DNAH17: variants seen among roughly 807,000 people sequenced by gnomAD.
The protein encoded by DNAH17 is axonemal beta dynein heavy chain 17.
A neutral mutation model predicts 485.6 loss-of-function variants in DNAH17; 376 were observed. The ratio of observed to expected loss-of-function variants is 0.77; its 90% confidence interval spans 0.71 to 0.84. The LOEUF is 0.84. DNAH17 is among the 40% of genes least tolerant of loss of function. The pLI, the probability that DNAH17 is intolerant of heterozygous loss-of-function variation, is 0.00. For synonymous variants in DNAH17, 3,031 were observed against 2,405.9 expected (o/e 1.26, Z -7.60); for missense variants, 6,370 against 5,839.3 (o/e 1.09, Z -2.96).
chr17:78,573,542 T>C (rs1367967989), intron 2 of DNAH17, among the ~76,000 whole-genome samples: 1 of 147,736 alleles, frequency 6.8e-6, no homozygotes, highest in Non-Finnish European at 1.5e-5. Flanking sequence ...GAGGTTGCAG[T>C]GAGCTGAGAT....
intron 11 of DNAH17, among the ~76,000 whole-genome samples, chr17:78,565,924 TG>T (rs1191006227): frequency 1.3e-5 from 2 of 152,014 alleles, no homozygotes; most frequent in African/African-American, 4.8e-5. Flanking sequence ...CACTCCAGCC[TG>T]GGCAACAAGA....
chr17:78,555,611 G>T (rs975887820), intron 14 of DNAH17, among the ~76,000 whole-genome samples: 1 of 150,084 alleles, frequency 6.7e-6, no homozygotes, highest in African/African-American at 2.5e-5. Context: ...GATGACGGAA[G>T]CACAAGTTGG....
At chr17:78,505,559 A>G (rs2090459777) in intron 30 of DNAH17, 114 bp from the exon 31 acceptor site, 7 of 1,331,122 alleles carry the variant, frequency 5.3e-6, no homozygotes, top group South Asian at 1.3e-5. Context: ...TATACTCCCC[A>G]TCTTTGATCA....
chr17:78,569,127 G>A, intron 9 of DNAH17, 39 bp downstream of exon 9: 1 of 1,498,182 alleles, frequency 6.7e-7, no homozygotes, highest in Non-Finnish European at 9.1e-7. Context: ...GGAGCAGTCT[G>A]GGAAGTGGAG....
chr17:78,539,495 T>C (rs2091464821), intron 18 of DNAH17, among the ~76,000 whole-genome samples: 1 of 152,194 alleles, frequency 6.6e-6, no homozygotes, highest in Non-Finnish European at 1.5e-5. Flanking sequence ...CTTGAGGTTT[T>C]CTGCAGCCAA....
intron 75 of DNAH17, among the ~76,000 whole-genome samples, chr17:78,432,395 AGC>A (rs995410537): frequency 7.6e-3 from 1 of 132 alleles, no homozygotes; most frequent in African/African-American, 9.3e-3. Flanking sequence ...ACCGGCAGAC[AGC>A]AGAGGCTGCC....
intron 25 of DNAH17, among the ~76,000 whole-genome samples, chr17:78,524,604 G>A (rs1056747984): frequency 1.7e-5 from 2 of 118,794 alleles, no homozygotes; most frequent in African/African-American, 7.1e-5. Context: ...CCTCCAGAAC[G>A]GTGAGGAATA....
rs746286879 is a variant in DNAH17 at position 78,434,229 on chromosome 17, C to T, written c.12034-9G>A. 9 of 1,597,540 alleles carry T rather than the reference C, an allele frequency of 5.6e-6. No individual in the cohort carries two copies. The South Asian group carries it at 6.7e-5, about 12-fold the overall frequency. On this transcript the variant is annotated splice_polypyrimidine_tract_variant and intron_variant, in intron 74 of 80. Transcript: ENST00000389840. ...CACATCTCCAGGGTGTCCTGTGGGG[C>T]ACACGCTCCGGTCAGGTATTAGGGA...
intron 33 of DNAH17, chr17:78,502,279 G>C: frequency 3.0e-6 from 1 of 336,152 alleles, no homozygotes; most frequent in Non-Finnish European, 5.4e-6. Context: ...TTTTCAAGAT[G>C]ATCTTTTGTT....
At position 78,455,500 on chromosome 17, in the gene DNAH17, T is replaced by A. The variant is rs181133945; in HGVS notation, c.10170+144A>T. The stretch of plus-strand genomic sequence containing the variant: ...CCACCAAGCCTGGCTAATTTTTTTT[T>A]AAATTTAATAGAGATGGGGTTTCAC... On this transcript the variant is annotated intron_variant, in intron 63 of 80. Coordinates refer to ENST00000389840, the MANE Select transcript of DNAH17 (RefSeq NM_173628.4). 1.2e-3 allele frequency: 732 copies of A among 586,850 alleles called. 7 individuals carry two copies. The East Asian group carries it at 0.024, about 19-fold the overall frequency. 36.4% of individuals were successfully genotyped at this position (586,850 alleles called of 1,614,324 possible). A position where few individuals can be genotyped will look rare whatever the true frequency, so the allele number is the denominator to read the frequency against.
intron 43 of DNAH17, 23 bp from the exon 44 acceptor site, chr17:78,490,870 T>TG (rs1450079646): frequency 3.8e-6 from 6 of 1,576,694 alleles, no homozygotes; most frequent in Non-Finnish European, 5.2e-6. Flanking sequence ...CAGCAGCCCG[T>TG]GGGGTCCTAA....
At chr17:78,497,790 G>T (rs2066053309) in intron 37 of DNAH17, among the ~76,000 whole-genome samples, 1 of 152,196 alleles carries the variant, frequency 6.6e-6, no homozygotes, top group African/African-American at 2.4e-5. Flanking sequence ...TTAGAAGGTG[G>T]AGGCAGAGGG....
chr17:78,513,478 C>G (rs928915526), intron 26 of DNAH17, among the ~76,000 whole-genome samples: 10 of 152,212 alleles, frequency 6.6e-5, no homozygotes, highest in Non-Finnish European at 1.2e-4. Flanking sequence ...CTCTGTCACC[C>G]AGGCTAGAGT....
At chr17:78,493,223 G>C (rs1374251371) in intron 41 of DNAH17, 1 of 162,254 alleles carries the variant, frequency 6.2e-6, no homozygotes, top group African/African-American at 2.4e-5. Flanking sequence ...ACACAGGTGA[G>C]TTTACACCCC....
At chr17:78,468,967 G>A in intron 54 of DNAH17, 84 bp from the exon 55 acceptor site, 2 of 1,490,246 alleles carry the variant, frequency 1.3e-6, no homozygotes, top group South Asian at 1.3e-5. Context: ...CAGAGCACAG[G>A]GCCATTTTTT....
Position 78,428,666 on chromosome 17 carries a change from A to C in DNAH17, c.12447T>G (p.Ser4149Arg). The C allele has an allele frequency of 1.2e-6, 2 of 1,613,584 alleles. No individual in the cohort carries two copies. Among genetic ancestry groups the C allele is most frequent in the Non-Finnish European group, 1.7e-6 (2 of 1,179,786 alleles). The change falls in exon 77 of 81, where the codon AGT (serine) becomes AGG (arginine). Residue 4149 changes from serine to arginine, a missense_variant. Coordinates refer to ENST00000389840, the MANE Select transcript of DNAH17 (RefSeq NM_173628.4). ...EYIDENLPPE[S>R]PYLYGLHPNA... ...TGGGGTGCAGGCCATACAGATAGGG[A>C]CTCTCAGGGGGCAGGTTCTCATCGA...
At chr17:78,457,238 G>A (rs1351131257) in intron 62 of DNAH17, among the ~76,000 whole-genome samples, 1 of 152,190 alleles carries the variant, frequency 6.6e-6, no homozygotes, top group Non-Finnish European at 1.5e-5. Context: ...GGGTGTGGTG[G>A]CACGCATCTG....
In DNAH17 at chr17:78,532,504, G is replaced by A. The variant is rs2091267676; in HGVS notation, c.3092C>T (p.Thr1031Ile). 1.2e-6 allele frequency: 2 copies of A among 1,611,406 alleles called. No individual in the cohort carries two copies. Among genetic ancestry groups the A allele is most frequent in the Non-Finnish European group, 1.7e-6 (2 of 1,179,252 alleles). ...TDDTIPKTPPTLAQFQEQIDS... is the reference protein window; with the variant it reads ...TDDTIPKTPPILAQFQEQIDS... Reference sequence around the variant, plus strand: ...CACCTGCTCCTGGAACTGAGCCAGGGTGGGCGGTGTCTTGGGGATGGTGTC... The same window carrying A: ...CACCTGCTCCTGGAACTGAGCCAGGATGGGCGGTGTCTTGGGGATGGTGTC... Residue 1031 changes from threonine to isoleucine, a missense_variant, in exon 20 of 81, where the codon ACC becomes ATC. By Grantham distance (89) the Thr-to-Ile change is moderately conservative. Coordinates refer to ENST00000389840, the MANE Select transcript of DNAH17 (RefSeq NM_173628.4).
chr17:78,456,206 G>A (rs1015719970), intron 62 of DNAH17, among the ~76,000 whole-genome samples: 11 of 152,200 alleles, frequency 7.2e-5, no homozygotes, highest in Non-Finnish European at 1.5e-4. Flanking sequence ...AGCCGAGGCG[G>A]GAGAATTGCT....
Sources: gnomAD v4.1 joint callset for allele counts (sites outside exome capture counted in the v4.1 genomes callset) on GRCh38, gnomAD v4.1.1 for gene constraint, MANE v1.5 for transcripts, NCBI Gene and HGNC (gene_info 2026-07-23, HGNC 2026-07-21) for gene names.